The following RORA variants were observed in gnomAD, a reference collection of about 807,000 sequenced individuals.
RORA encodes RAR related orphan receptor A, also known as nuclear receptor ROR-alpha.
A neutral mutation model predicts 69.5 loss-of-function variants in RORA; 7 were observed. The ratio of observed to expected loss-of-function variants is 0.10; its 90% CI spans 0.06 to 0.19. RORA has a LOEUF of 0.19. RORA is among the 10% of genes least tolerant of loss of function. The pLI, the probability that RORA is intolerant of heterozygous loss-of-function variation, is 1.00. For synonymous variants in RORA, 261 were observed against 240.8 expected, an observed-to-expected ratio of 1.08 and a Z score of -0.78; for missense variants, 457 against 663.0, an observed-to-expected ratio of 0.69 and a Z score of 3.41.
At chr15:61,115,721 A>G (rs2079044763) in intron 1 of RORA, among the ~76,000 whole-genome samples, 1 of 152,184 alleles carries the variant, frequency 6.6e-6, no homozygotes, top group Non-Finnish European at 1.5e-5. Flanking sequence ...CCATTTCAGC[A>G]TCACAATTTT....
intron 6 of RORA, among the ~76,000 whole-genome samples, chr15:60,504,265 G>A (rs1013063395): frequency 1.8e-4 from 27 of 151,790 alleles, no homozygotes; most frequent in Non-Finnish European, 2.2e-4. Context: ...TATTTTTTCT[G>A]GCTGGGCACG....
At chr15:60,803,340 G>A (rs918470678) in intron 1 of RORA, among the ~76,000 whole-genome samples, 1 of 152,186 alleles carries the variant, frequency 6.6e-6, no homozygotes, top group Non-Finnish European at 1.5e-5. Flanking sequence ...CTCAGGGAAG[G>A]GGGATGGAGG....
chr15:61,075,879 C>T (rs2078441848), intron 1 of RORA, among the ~76,000 whole-genome samples: 1 of 152,192 alleles, frequency 6.6e-6, no homozygotes, highest in Non-Finnish European at 1.5e-5. Context: ...CCATATCACA[C>T]CCTCCCCATA....
chr15:60,504,939 T>C (rs2065450772), intron 6 of RORA, among the ~76,000 whole-genome samples: 1 of 152,210 alleles, frequency 6.6e-6, no homozygotes, highest in East Asian at 1.9e-4. Context: ...CCAGTGGATG[T>C]TAGTTTTCCT....
rs982732002 is a variant in RORA, at chr15:60,493,924, C to A, written c.*3531G>T. 6.7e-6 allele frequency: 1 copy of A among 149,190 alleles called. No individual in the cohort carries two copies. The highest frequency in any genetic ancestry group is 1.5e-5 in the Non-Finnish European group (1 of 67,574). 9.2% of individuals were successfully genotyped at this position (149,190 alleles called of 1,614,324 possible). A position where few individuals can be genotyped will look rare whatever the true frequency, so the allele number is the denominator to read the frequency against. ...ACTTAGTAGCCTAGAAGCGGTCCGA[C>A]GCACACACATCATACACATGCAAAT... is the stretch of plus-strand genomic sequence containing the variant. On this transcript the variant is annotated 3_prime_UTR_variant, in exon 11 of 11. Transcript: ENST00000335670.
At chr15:60,978,299 T>G (rs1893935952) in intron 1 of RORA, among the ~76,000 whole-genome samples, 1 of 152,214 alleles carries the variant, frequency 6.6e-6, no homozygotes. Context: ...TGCAGTGGCT[T>G]TTTGTGTATC....
At chr15:61,092,951 G>A (rs60094610) in intron 1 of RORA, among the ~76,000 whole-genome samples, 2,109 of 152,232 alleles carry the variant, frequency 0.014, 52 homozygotes, top group East Asian at 0.1. Flanking sequence ...GGTGAATGCT[G>A]AAGTAGGTAT....
At chr15:60,837,707 G>A (rs911659695) in intron 1 of RORA, among the ~76,000 whole-genome samples, 5 of 152,158 alleles carry the variant, frequency 3.3e-5, no homozygotes, top group Admixed American at 6.5e-5. Context: ...AGAGCTCACC[G>A]GGGACACAGT....
At chr15:60,692,685 C>T (rs933414044) in intron 1 of RORA, among the ~76,000 whole-genome samples, 18 of 152,298 alleles carry the variant, frequency 1.2e-4, no homozygotes, top group East Asian at 1.9e-4. Context: ...GGGTATAGGG[C>T]AGTTCATTCC....
At chr15:60,664,002 T>G (rs2070344512) in intron 2 of RORA, among the ~76,000 whole-genome samples, 1 of 152,164 alleles carries the variant, frequency 6.6e-6, no homozygotes, top group Admixed American at 6.5e-5. Flanking sequence ...CCCATATTGG[T>G]CATTTTGTTC....
chr15:61,121,519 T>A (rs1245193618), intron 1 of RORA, among the ~76,000 whole-genome samples: 8 of 152,182 alleles, frequency 5.3e-5, no homozygotes, highest in Non-Finnish European at 1.0e-4. Context: ...AACCCTTAGC[T>A]ACTTGCACGT....
At chr15:60,863,600 C>T (rs2073454849) in intron 1 of RORA, among the ~76,000 whole-genome samples, 1 of 152,168 alleles carries the variant, frequency 6.6e-6, no homozygotes, top group Admixed American at 6.5e-5. Context: ...GATTCTCTGC[C>T]TTAATTCCCT....
chr15:60,754,152 A>G (rs767647528), intron 1 of RORA, among the ~76,000 whole-genome samples: 7 of 152,230 alleles, frequency 4.6e-5, no homozygotes, highest in Non-Finnish European at 7.3e-5. Flanking sequence ...CTTTTTGGGT[A>G]GAAATCCATA....
chr15:60,855,410 G>A (rs1356858770), intron 1 of RORA, among the ~76,000 whole-genome samples: 3 of 152,274 alleles, frequency 2.0e-5, no homozygotes, highest in Non-Finnish European at 4.4e-5. Flanking sequence ...GCCATGTTGA[G>A]GAGACAAGAC....
chr15:60,750,065 T>C (rs1595683791), intron 1 of RORA, among the ~76,000 whole-genome samples: 1 of 152,212 alleles, frequency 6.6e-6, no homozygotes, highest in East Asian at 1.9e-4. Flanking sequence ...AAAACCTTTC[T>C]ATGTGCCAAG....
intron 1 of RORA, among the ~76,000 whole-genome samples, chr15:60,713,517 C>T (rs995059146): frequency 3.3e-5 from 5 of 152,080 alleles, no homozygotes; most frequent in Non-Finnish European, 5.9e-5. Context: ...AGGAAAAGAT[C>T]CAAAATTAAA....
intron 1 of RORA, among the ~76,000 whole-genome samples, chr15:60,796,088 G>A (rs1052113107): frequency 6.6e-5 from 10 of 152,342 alleles, no homozygotes; most frequent in African/African-American, 2.2e-4. Flanking sequence ...TGACAGAACT[G>A]AAAGAAGCCT....
intron 1 of RORA, among the ~76,000 whole-genome samples, chr15:61,149,000 C>G (rs907059829): frequency 6.6e-6 from 1 of 152,210 alleles, no homozygotes; most frequent in African/African-American, 2.4e-5. Context: ...TCACATCAGA[C>G]AATGTGCTCG....
intron 1 of RORA, among the ~76,000 whole-genome samples, chr15:61,077,706 C>T (rs1021872183): frequency 3.9e-5 from 6 of 152,148 alleles, no homozygotes; most frequent in African/African-American, 9.7e-5. Flanking sequence ...CTTTTTATTT[C>T]TCTGTGCTGT....
Sources: allele counts gnomAD v4.1 joint callset (sites outside exome capture counted in the v4.1 genomes callset), GRCh38; gene constraint gnomAD v4.1.1; transcripts MANE v1.5; gene names NCBI Gene and HGNC (gene_info 2026-07-23, HGNC 2026-07-21).